Variants in PDK3 observed in about 807,000 individuals in gnomAD.
PDK3 encodes the protein pyruvate dehydrogenase kinase 3, also known as pyruvate dehydrogenase kinase, isozyme 3.
A neutral mutation model predicts 32.0 loss-of-function variants in PDK3; 12 were observed. That is an observed-to-expected ratio of 0.37 (90% CI 0.24 to 0.61). PDK3 has a LOEUF of 0.61. Ranked by LOEUF, PDK3 falls within the 20% of genes least tolerant of loss-of-function variation. The probability of loss-of-function intolerance (pLI) is 0.65; values close to 1 mark genes in which losing one functional copy is unlikely to be tolerated. For synonymous variants in PDK3, 122 were observed against 116.3 expected (o/e 1.05, Z -0.31); for missense variants, 188 against 316.9 (o/e 0.59, Z 3.09).
In PDK3 at chrX:24,534,357, G is replaced by T; in HGVS notation, c.*285G>T. On this transcript the variant is annotated 3_prime_UTR_variant, in exon 11 of 11. Coordinates refer to ENST00000379162, the MANE Select transcript of PDK3 (RefSeq NM_005391.5). ...AAAAAGGAAGGACATTCTGATATGT[G>T]CTGCAACATGGGTGAATCTTGAAGT... The T allele has an allele frequency of 2.6e-6, 1 of 383,728 alleles. No homozygotes were observed. The highest frequency in any genetic ancestry group is 3.7e-6 in the Non-Finnish European group (1 of 267,799). The allele number at this position is 383,728 out of a possible 1,213,427, so 31.6% of individuals were successfully genotyped here.
chrX:24,534,220 A>G lies in PDK3; in HGVS notation c.*148A>G, dbSNP rs1053822888. On this transcript the variant is annotated 3_prime_UTR_variant, in exon 11 of 11. Coordinates refer to ENST00000379162, the MANE Select transcript of PDK3 (RefSeq NM_005391.5). The stretch of plus-strand genomic sequence containing the variant: ...CATCAATTTTATTTAAAAAGCAATT[A>G]AGTTTGCAGTTTGTCCTCATAAACG... The G allele has an allele frequency of 4.1e-6, 4 of 971,828 alleles. No individual in the cohort carries two copies. In the African/African-American group the frequency reaches 7.9e-5, roughly 19 times the overall value. The allele number at this position is 971,828 out of a possible 1,213,427, so 80.1% of individuals were successfully genotyped here. A position where few individuals can be genotyped will look rare whatever the true frequency, so the allele number is the denominator to read the frequency against.
chrX:24,491,240 G>A (rs12558717), intron 1 of PDK3, among the ~76,000 whole-genome samples: 38,285 of 103,014 alleles, frequency 0.37, 5,909 homozygotes, highest in African/African-American at 0.51. Flanking sequence ...GCTTGAACTC[G>A]GGAGGTGGAG....
At chrX:24,540,271 A>T (rs1239131444) in exon 12 of PDK3, among the ~76,000 whole-genome samples, 1 of 112,101 alleles carries the variant, frequency 8.9e-6, no homozygotes, top group African/African-American at 3.2e-5. Context: ...AAGAATCCGG[A>T]TTGAAACCAG....
rs373197543 is a variant in PDK3 at position 24,530,704 on chromosome X, A to G, written c.964-953A>G. On this transcript the variant is annotated intron_variant, in intron 9 of 10. Transcript: ENST00000379162. ...CCCCACTACCACCACAAATGGTATT[A>G]CATTTAGTTTTGATTCTTACTGTTC... Among the ~76,000 whole-genome samples, 20 of 111,637 alleles carry G rather than the reference A, an allele frequency of 1.8e-4. No homozygotes were observed. In the East Asian group the frequency reaches 5.4e-3, roughly 30 times the overall value.
chrX:24,475,658 CAAA>C (rs1858860357), intron 1 of PDK3, among the ~76,000 whole-genome samples: 1 of 106,925 alleles, frequency 9.4e-6, no homozygotes, highest in African/African-American at 3.4e-5. Context: ...GACCATGTCT[CAAA>C]AAAAGAAGGA....
chrX:24,523,730 C>T (rs781525557), intron 6 of PDK3, among the ~76,000 whole-genome samples: 2 of 111,573 alleles, frequency 1.8e-5, no homozygotes, highest in Non-Finnish European at 3.8e-5. Context: ...AAGCCCTGTT[C>T]GTTTAAGCAT....
chrX:24,521,077 G>A (rs1197993225), intron 6 of PDK3, among the ~76,000 whole-genome samples: 1 of 110,354 alleles, frequency 9.1e-6, no homozygotes. Flanking sequence ...CCAGGAGTTC[G>A]AGACCAGCCT....
intron 6 of PDK3, among the ~76,000 whole-genome samples, 185 bp from the exon 7 acceptor site, chrX:24,526,013 T>C (rs1424737805): frequency 8.9e-6 from 1 of 112,954 alleles, no homozygotes; most frequent in African/African-American, 3.2e-5. Context: ...GAACTGGGTG[T>C]CACCCCAGGT....
intron 1 of PDK3, among the ~76,000 whole-genome samples, chrX:24,482,249 C>T (rs182530664): frequency 8.9e-6 from 1 of 111,757 alleles, no homozygotes; most frequent in East Asian, 2.8e-4. Flanking sequence ...GTTCCTCTGT[C>T]GTCCAGGCTG....
At chrX:24,496,296 T>TGCATACAC (rs1921696930) in intron 2 of PDK3, among the ~76,000 whole-genome samples, 1 of 102,727 alleles carries the variant, frequency 9.7e-6, no homozygotes, top group Non-Finnish European at 2.0e-5. Context: ...ACTCTCTGCA[T>TGCATACAC]ACACACACAC....
At chrX:24,512,335 A>G (rs910335154) in intron 5 of PDK3, among the ~76,000 whole-genome samples, 1 of 112,324 alleles carries the variant, frequency 8.9e-6, no homozygotes, top group Middle Eastern at 4.6e-3. Flanking sequence ...TTGTTCTTAC[A>G]TGCTATTACT....
exon 12 of PDK3, chrX:24,548,530 G>A (rs769410716): frequency 2.7e-5 from 3 of 112,121 alleles, no homozygotes; most frequent in African/African-American, 6.5e-5. Flanking sequence ...CAACAATCAC[G>A]TATGTACTGA....
chrX:24,519,410 C>G (rs897048030), intron 6 of PDK3, among the ~76,000 whole-genome samples: 15 of 94,978 alleles, frequency 1.6e-4, no homozygotes, highest in South Asian at 1.1e-3. Flanking sequence ...CGTTCTGTTG[C>G]CCGGGTTGGA....
At chrX:24,531,046 C>CTT (rs1196717425) in intron 9 of PDK3, among the ~76,000 whole-genome samples, 5 of 83,336 alleles carry the variant, frequency 6.0e-5, no homozygotes, top group Non-Finnish European at 9.2e-5. Flanking sequence ...TTGGAATGTG[C>CTT]TTTTGTGTGT....
exon 12 of PDK3, among the ~76,000 whole-genome samples, chrX:24,540,963 G>A (rs1922882174): frequency 1.2e-5 from 1 of 83,490 alleles, no homozygotes; most frequent in Non-Finnish European, 2.2e-5. Context: ...AGGCTGGAGT[G>A]CAGTGGCACC....
intron 1 of PDK3, among the ~76,000 whole-genome samples, chrX:24,479,862 G>C (rs941308745): frequency 9.0e-6 from 1 of 111,678 alleles, no homozygotes; most frequent in African/African-American, 3.3e-5. Context: ...CACTTACTGA[G>C]TACTTACCAA....
chrX:24,530,499 T>C (rs1426794341), intron 9 of PDK3, among the ~76,000 whole-genome samples: 1 of 111,813 alleles, frequency 8.9e-6, no homozygotes, highest in Non-Finnish European at 1.9e-5. Context: ...GAAAACATGG[T>C]CTCAAAGAGG....
At chrX:24,537,032 TG>T (rs1442765623), downstream of PDK3, among the ~76,000 whole-genome samples, 1 of 111,059 alleles carries the variant, frequency 9.0e-6, no homozygotes, top group African/African-American at 3.3e-5. Context: ...TTGCCCAAGA[TG>T]ATATCCTAGA....
intron 1 of PDK3, among the ~76,000 whole-genome samples, chrX:24,470,687 CA>C (rs58511156): frequency 0.12 from 3,067 of 26,263 alleles, 80 homozygotes; most frequent in African/African-American, 0.28. Context: ...AACGGCATCT[CA>C]AAAAAAAAAA....
Sources: allele counts gnomAD v4.1 joint callset (sites outside exome capture counted in the v4.1 genomes callset), GRCh38; gene constraint gnomAD v4.1.1; transcripts MANE v1.5; gene names NCBI Gene and HGNC (gene_info 2026-07-23, HGNC 2026-07-21).